The following MCTP1 variants were observed in gnomAD, a reference collection of about 807,000 sequenced individuals.
MCTP1 encodes the protein multiple C2 and transmembrane domain containing 1.
In MCTP1, 69 loss-of-function variants were observed where a neutral mutation model predicts 120.6. That is an observed-to-expected ratio of 0.57 (90% CI 0.47 to 0.70). The LOEUF is 0.70. Ranked by LOEUF, MCTP1 falls within the 30% of genes least tolerant of loss-of-function variation. The probability of loss-of-function intolerance (pLI) is 0.00; values close to 1 mark genes in which losing one functional copy is unlikely to be tolerated. For missense variants in MCTP1, 1,203 were observed against 1,248.8 expected (o/e 0.96, Z 0.55); for synonymous variants, 529 against 493.1 (o/e 1.07, Z -0.96).
intron 2 of MCTP1, among the ~76,000 whole-genome samples, chr5:94,988,410 A>G (rs970829123): frequency 6.6e-6 from 1 of 152,170 alleles, no homozygotes; most frequent in African/African-American, 2.4e-5. Flanking sequence ...TCCATTTAGA[A>G]ATGTGACAGT....
At chr5:95,212,711 A>T (rs1276719092) in intron 1 of MCTP1, among the ~76,000 whole-genome samples, 1 of 152,062 alleles carries the variant, frequency 6.6e-6, no homozygotes, top group Non-Finnish European at 1.5e-5. Flanking sequence ...GGTTCAATAT[A>T]CACAAATCAA....
At chr5:95,022,719 T>C (rs1225833004) in intron 1 of MCTP1, among the ~76,000 whole-genome samples, 1 of 152,190 alleles carries the variant, frequency 6.6e-6, no homozygotes, top group African/African-American at 2.4e-5. Flanking sequence ...TTTGGCACCC[T>C]GTTTGAGGAA....
At chr5:94,858,303 T>C (rs1795082803) in intron 17 of MCTP1, among the ~76,000 whole-genome samples, 1 of 151,646 alleles carries the variant, frequency 6.6e-6, no homozygotes, top group Non-Finnish European at 1.5e-5. Flanking sequence ...AGTTCGTGAT[T>C]ACCATACACA....
intron 1 of MCTP1, among the ~76,000 whole-genome samples, chr5:95,242,854 C>T (rs1489622974): frequency 6.6e-6 from 1 of 152,186 alleles, no homozygotes; most frequent in Admixed American, 6.5e-5. Context: ...CGTCACAATT[C>T]ATTAAGCTGT....
intron 1 of MCTP1, among the ~76,000 whole-genome samples, chr5:95,030,295 C>T (rs1184855315): frequency 6.6e-6 from 1 of 152,218 alleles, no homozygotes; most frequent in Non-Finnish European, 1.5e-5. Context: ...AATACCCCTT[C>T]AGGGTGGGTG....
In MCTP1 at chr5:94,894,832, G is replaced by A; in HGVS notation, c.1656C>T (p.Cys552=). 2 of 1,551,880 alleles carry A rather than the reference G, an allele frequency of 1.3e-6. No individual in the cohort carries two copies. The highest frequency in any genetic ancestry group is 1.7e-4 in the Middle Eastern group (1 of 5,746). Residue 552 remains cysteine (C), a synonymous_variant, in exon 11 of 23, where the codon TGC becomes TGT. Coordinates refer to ENST00000515393, the MANE Select transcript of MCTP1 (RefSeq NM_024717.7). ...TACTGAGGGCTGACAGGTCGACCTG[G>A]CACCTAGAGACAAATGTTTTGAATC... ...AGKRDDFIGR[C]QVDLSALSRE... is the part of the protein sequence containing the mutation.
At chr5:95,138,233 A>ACCCT (rs1554213169) in intron 1 of MCTP1, among the ~76,000 whole-genome samples, 1 of 142,426 alleles carries the variant, frequency 7.0e-6, no homozygotes, top group African/African-American at 2.6e-5. Flanking sequence ...GTGAGATGCA[A>ACCCT]CCCCCCCCCG....
chr5:94,969,595 G>A (rs1272833577), intron 2 of MCTP1, among the ~76,000 whole-genome samples: 1 of 152,030 alleles, frequency 6.6e-6, no homozygotes, highest in Non-Finnish European at 1.5e-5. Flanking sequence ...CAAGAAGAAG[G>A]AGGAGGAGGA....
Position 94,954,044 on chromosome 5 carries a change from A to ATGCATATATATACAAATATATATG in MCTP1, c.839-707_839-684dup, listed in dbSNP as rs1554151002. On this transcript the variant is annotated intron_variant, in intron 2 of 22. Coordinates refer to ENST00000515393, the MANE Select transcript of MCTP1 (RefSeq NM_024717.7). ...TATGCATATATATACAAATATATAT[A>ATGCATATATATACAAATATATATG]TGCATATATATACAAATATATATGC... is the stretch of plus-strand genomic sequence containing the variant. 3.3e-3 allele frequency among the ~76,000 whole-genome samples: 192 copies of ATGCATATATATACAAATATATATG among 57,612 alleles called. 25 individuals are homozygous for ATGCATATATATACAAATATATATG. The highest frequency in any genetic ancestry group is 4.9e-3 in the Non-Finnish European group (160 of 32,736). The allele number at this position is 57,612 out of a possible 152,430, so 37.8% of individuals were successfully genotyped here. A position where few individuals can be genotyped will look rare whatever the true frequency, so the allele number is the denominator to read the frequency against.
intron 2 of MCTP1, among the ~76,000 whole-genome samples, chr5:94,956,742 A>G (rs1239562227): frequency 6.6e-6 from 1 of 152,210 alleles, no homozygotes; most frequent in Non-Finnish European, 1.5e-5. Context: ...AGGAATGAAC[A>G]AAGCCTCCAA....
intron 11 of MCTP1, among the ~76,000 whole-genome samples, chr5:94,891,529 G>A (rs888042452): frequency 2.6e-5 from 4 of 152,082 alleles, no homozygotes; most frequent in African/African-American, 7.2e-5. Context: ...TGACTAAGAC[G>A]AATATAATCA....
chr5:95,167,303 T>C (rs537951230), intron 1 of MCTP1, among the ~76,000 whole-genome samples: 2 of 152,356 alleles, frequency 1.3e-5, no homozygotes, highest in African/African-American at 2.4e-5. Flanking sequence ...TAATCCAGTC[T>C]ATCATTGATG....
chr5:95,171,468 G>A (rs372327026), intron 1 of MCTP1, among the ~76,000 whole-genome samples: 2 of 152,234 alleles, frequency 1.3e-5, no homozygotes, highest in South Asian at 2.1e-4. Context: ...GCCTTGCTAG[G>A]TTGGGGAAGT....
At chr5:95,280,485 A>G (rs1760225229) in intron 1 of MCTP1, among the ~76,000 whole-genome samples, 1 of 152,234 alleles carries the variant, frequency 6.6e-6, no homozygotes, top group Non-Finnish European at 1.5e-5. Flanking sequence ...CTAGCAAAAC[A>G]TAATTTTAGT....
chr5:95,199,737 T>C (rs906743709), intron 1 of MCTP1, among the ~76,000 whole-genome samples: 3 of 151,542 alleles, frequency 2.0e-5, no homozygotes, highest in African/African-American at 7.3e-5. Context: ...TGCACGCCTG[T>C]AATCCCAGCT....
At chr5:94,820,832 G>A (rs1785467068) in intron 17 of MCTP1, among the ~76,000 whole-genome samples, 1 of 152,148 alleles carries the variant, frequency 6.6e-6, no homozygotes, top group Admixed American at 6.5e-5. Context: ...TTTGGATTTA[G>A]CCAAACCATT....
At chr5:94,731,833 A>G (rs1763180196) in intron 19 of MCTP1, among the ~76,000 whole-genome samples, 1 of 152,204 alleles carries the variant, frequency 6.6e-6, no homozygotes. Flanking sequence ...TTTATTATTC[A>G]CTTTATTAAT....
chr5:95,148,531 C>T (rs1760617173), intron 1 of MCTP1, among the ~76,000 whole-genome samples: 1 of 152,158 alleles, frequency 6.6e-6, no homozygotes, highest in African/African-American at 2.4e-5. Context: ...GTGAGTTCTC[C>T]AATTCCAGAA....
At position 94,947,555 on chromosome 5, in the gene MCTP1, A is replaced by AATATATATATATATATATAT. The variant is rs377155852; in HGVS notation, c.982-5148_982-5129dup. ...AAAATATTTTAGTGTTAGTTTACTAAATATATATATATATATATATATAGA... is the reference window on the plus strand; with the variant it reads ...AAAATATTTTAGTGTTAGTTTACTAAATATATATATATATATATATATATATATATATATATATATATAGA... On this transcript the variant is annotated intron_variant, in intron 3 of 22. Coordinates refer to ENST00000515393, the MANE Select transcript of MCTP1 (RefSeq NM_024717.7). 6.0e-3 allele frequency among the ~76,000 whole-genome samples: 236 copies of AATATATATATATATATATAT among 39,298 alleles called. 19 individuals carry two copies. The highest frequency in any genetic ancestry group is 0.013 in the Middle Eastern group (1 of 80). 25.8% of individuals were successfully genotyped at this position (39,298 alleles called of 152,430 possible).
Sources: allele counts gnomAD v4.1 joint callset (sites outside exome capture counted in the v4.1 genomes callset), GRCh38; gene constraint gnomAD v4.1.1; transcripts MANE v1.5; gene names NCBI Gene and HGNC (gene_info 2026-07-23, HGNC 2026-07-21).